NALF1: variants seen among roughly 807,000 people sequenced by gnomAD.
NALF1 encodes family with sequence similarity 155 member A.
A neutral mutation model predicts 48.4 loss-of-function variants in NALF1; 3 were observed. The observed-to-expected ratio is 0.06, with a 90% CI of 0.03 to 0.16. The LOEUF (loss-of-function observed/expected upper bound fraction) is 0.16. Ranked by LOEUF, NALF1 falls within the 10% of genes least tolerant of loss-of-function variation. The probability of loss-of-function intolerance (pLI) is 1.00; values close to 1 mark genes in which losing one functional copy is unlikely to be tolerated. For synonymous variants in NALF1, 262 were observed against 245.7 expected (o/e 1.07, Z -0.62); for missense variants, 526 against 571.5 (o/e 0.92, Z 0.81).
Position 107,838,944 on chromosome 13 carries a change from A to G in NALF1, c.915+26738T>C, listed in dbSNP as rs548388509. Among the ~76,000 whole-genome samples, 20 of 152,256 alleles carry G rather than the reference A, an allele frequency of 1.3e-4. 1 individual carries two copies. The South Asian group carries it at 4.1e-3, about 32-fold the overall frequency. On this transcript the variant is annotated intron_variant, in intron 1 of 2. Coordinates refer to ENST00000375915, the MANE Select transcript of NALF1 (RefSeq NM_001080396.3). Reference sequence around the variant, plus strand: ...TGGAGGATTAACAGTTCTTCTTCACAGTAAGAGAGAGCACAGCAGGTGCTT... The same window carrying G: ...TGGAGGATTAACAGTTCTTCTTCACGGTAAGAGAGAGCACAGCAGGTGCTT...
intron 1 of NALF1, among the ~76,000 whole-genome samples, chr13:107,675,176 C>T (rs1881082825): frequency 6.6e-6 from 1 of 152,166 alleles, no homozygotes; most frequent in Non-Finnish European, 1.5e-5. Context: ...AGGAAACTGA[C>T]ATTCTGTGTA....
intron 1 of NALF1, among the ~76,000 whole-genome samples, chr13:107,479,768 C>A (rs1885226247): frequency 6.6e-6 from 1 of 152,042 alleles, no homozygotes; most frequent in Admixed American, 6.6e-5. Context: ...ATATTTGAGA[C>A]CCATGAAATG....
chr13:107,482,014 T>C (rs747133612), intron 1 of NALF1, among the ~76,000 whole-genome samples: 16 of 152,142 alleles, frequency 1.1e-4, no homozygotes, highest in Non-Finnish European at 2.4e-4. Flanking sequence ...GGCTAAGCCA[T>C]GGTACCCAGA....
intron 2 of NALF1, among the ~76,000 whole-genome samples, chr13:107,174,146 A>G (rs1045070502): frequency 1.3e-5 from 2 of 151,968 alleles, no homozygotes; most frequent in African/African-American, 4.8e-5. Flanking sequence ...CTCCCTGAAT[A>G]AATTCCCTCC....
At chr13:107,188,174 G>A (rs1345682024) in intron 2 of NALF1, among the ~76,000 whole-genome samples, 1 of 151,952 alleles carries the variant, frequency 6.6e-6, no homozygotes, top group Non-Finnish European at 1.5e-5. Context: ...AATGATCTTT[G>A]AAGTTAGTAT....
chr13:107,211,263 A>T (rs1879755805), intron 1 of NALF1, among the ~76,000 whole-genome samples: 1 of 152,156 alleles, frequency 6.6e-6, no homozygotes, highest in Non-Finnish European at 1.5e-5. Flanking sequence ...GGACTTTGAG[A>T]GGCAGAGAAC....
At chr13:107,567,182 T>C (rs890062811) in intron 1 of NALF1, among the ~76,000 whole-genome samples, 1 of 152,198 alleles carries the variant, frequency 6.6e-6, no homozygotes, top group Non-Finnish European at 1.5e-5. Context: ...CTCAGTTTCA[T>C]ATATTTGTTT....
intron 1 of NALF1, among the ~76,000 whole-genome samples, chr13:107,594,313 G>A (rs1256962457): frequency 6.6e-6 from 1 of 151,982 alleles, no homozygotes; most frequent in Non-Finnish European, 1.5e-5. Context: ...ACTCAACAAA[G>A]ATGAATTGAT....
chr13:107,551,137 T>G (rs1233270846), intron 1 of NALF1, among the ~76,000 whole-genome samples: 1 of 152,166 alleles, frequency 6.6e-6, no homozygotes, highest in Non-Finnish European at 1.5e-5. Flanking sequence ...GCGTCTGAAG[T>G]ACATGTGCAG....
At chr13:107,596,866 T>C (rs1455966424) in intron 1 of NALF1, among the ~76,000 whole-genome samples, 1 of 152,158 alleles carries the variant, frequency 6.6e-6, no homozygotes, top group African/African-American at 2.4e-5. Context: ...TTCATTTCTA[T>C]TTTTTTCCCA....
At chr13:107,424,113 G>GC (rs552065870) in intron 1 of NALF1, among the ~76,000 whole-genome samples, 215 of 152,190 alleles carry the variant, frequency 1.4e-3, no homozygotes, top group African/African-American at 4.9e-3. Context: ...CTGCTGTAAT[G>GC]AGGAAGATAC....
intron 1 of NALF1, among the ~76,000 whole-genome samples, chr13:107,843,848 T>C (rs1326945858): frequency 6.6e-6 from 1 of 152,162 alleles, no homozygotes; most frequent in African/African-American, 2.4e-5. Context: ...ATTTTAAAGA[T>C]GTTTGGAGAG....
intron 1 of NALF1, among the ~76,000 whole-genome samples, chr13:107,292,134 G>A (rs1881633022): frequency 6.6e-6 from 1 of 152,150 alleles, no homozygotes; most frequent in South Asian, 2.1e-4. Context: ...CTACAAACCT[G>A]TACAGCATGC....
At chr13:107,308,643 G>A (rs547671570) in intron 1 of NALF1, among the ~76,000 whole-genome samples, 3 of 152,216 alleles carry the variant, frequency 2.0e-5, no homozygotes, top group Admixed American at 2.0e-4. Context: ...AAAATTAATG[G>A]ATAAAAGGCG....
intron 1 of NALF1, among the ~76,000 whole-genome samples, chr13:107,601,482 T>C (rs1408004677): frequency 1.3e-5 from 2 of 152,218 alleles, no homozygotes; most frequent in Non-Finnish European, 2.9e-5. Context: ...AGCTCACCTC[T>C]AGGCGCTCAC....
chr13:107,445,466 T>A (rs115806951), intron 1 of NALF1, among the ~76,000 whole-genome samples: 1 of 152,196 alleles, frequency 6.6e-6, no homozygotes, highest in Non-Finnish European at 1.5e-5. Flanking sequence ...CATTCACTCA[T>A]TGAAGGACAT....
chr13:107,178,895 C>T (rs184800768), intron 2 of NALF1, among the ~76,000 whole-genome samples: 5 of 151,474 alleles, frequency 3.3e-5, no homozygotes, highest in Middle Eastern at 3.4e-3. Flanking sequence ...CAGTGAGCCG[C>T]GATCCCGCCA....
intron 1 of NALF1, among the ~76,000 whole-genome samples, chr13:107,508,297 G>A (rs888821637): frequency 3.3e-5 from 5 of 151,134 alleles, no homozygotes; most frequent in Admixed American, 6.6e-5. Context: ...ATAATCTAAG[G>A]AACTTATTAA....
chr13:107,446,503 C>T (rs569349869), intron 1 of NALF1, among the ~76,000 whole-genome samples: 2 of 152,132 alleles, frequency 1.3e-5, no homozygotes, highest in South Asian at 2.1e-4. Context: ...ATTTAACATA[C>T]TATGTATCAT....
Sources: allele counts gnomAD v4.1 joint callset (sites outside exome capture counted in the v4.1 genomes callset), GRCh38; gene constraint gnomAD v4.1.1; transcripts MANE v1.5; gene names NCBI Gene and HGNC (gene_info 2026-07-23, HGNC 2026-07-21).